SALL2: variants seen among roughly 807,000 people sequenced by gnomAD.
The protein encoded by SALL2 is spalt like transcription factor 2.
A neutral mutation model predicts 58.5 loss-of-function variants in SALL2; 32 were observed. That is an observed-to-expected ratio of 0.55 (90% CI 0.41 to 0.74). The LOEUF (loss-of-function observed/expected upper bound fraction) is 0.74, where lower values mean the gene tolerates loss of function less well. Ranked by LOEUF, SALL2 falls within the 30% of genes least tolerant of loss-of-function variation. The pLI is 0.00. For missense variants in SALL2, 1,201 were observed against 1,268.9 expected, an observed-to-expected ratio of 0.95 and a Z score of 0.81; for synonymous variants, 516 against 513.6, an observed-to-expected ratio of 1.00 and a Z score of -0.06.
At chr14:21,534,486 C>T (rs781441863) in intron 1 of SALL2, among the ~76,000 whole-genome samples, 10 of 152,058 alleles carry the variant, frequency 6.6e-5, no homozygotes, top group Non-Finnish European at 1.3e-4. Flanking sequence ...TTACCATGCC[C>T]CCAGGTGGAA....
At position 21,523,269 on chromosome 14, in the gene SALL2, G is replaced by A. The variant is rs758156077; in HGVS notation, c.2453C>T (p.Thr818Ile). 6.2e-7 allele frequency: 1 copy of A among 1,613,404 alleles called. No individual in the cohort carries two copies. Among genetic ancestry groups the A allele is most frequent in the Admixed American group, 1.7e-5 (1 of 60,022 alleles). ...ATTACTGTCCATCTCCTTCCCAGCT[G>A]TGGCTGCTGCCGCCACTGTCCCCAC... ...EEVGTVAAAA[T>I]AGKEMDSNEK... Residue 818 changes from threonine to isoleucine, a missense_variant, in exon 2 of 2, where the codon ACA becomes ATA. Physicochemically the swap from Thr to Ile is moderately conservative, Grantham distance 89. Coordinates refer to ENST00000537235, the MANE Select transcript of SALL2 (RefSeq NM_001364564.1). This position sits in a 1 kb window ranked among gnomAD's most constrained non-coding sequence, Gnocchi z 4.4.
intron 1 of SALL2, among the ~76,000 whole-genome samples, chr14:21,533,969 C>T (rs1892529758): frequency 6.6e-6 from 1 of 152,112 alleles, no homozygotes; most frequent in South Asian, 2.1e-4. Context: ...TAAATAAGAG[C>T]CCTTCCTCCC....
In SALL2 at chr14:21,522,784, G is replaced by C. The variant is rs891757703; in HGVS notation, c.2938C>G (p.Leu980Val). Residue 980 changes from leucine (L) to valine (V), a missense_variant, in exon 2 of 2, where the codon CTA (leucine) becomes GTA (valine). Coordinates refer to ENST00000537235, the MANE Select transcript of SALL2 (RefSeq NM_001364564.1). Reference protein sequence around the residue: ...HGPQNIAALSLVPGCSPSITS... With the variant: ...HGPQNIAALSVVPGCSPSITS... ...ATGGAAGGCGAACAGCCAGGGACTA[G>C]AGAAAGAGCAGCAATATTCTGAGGG... 1 of 1,594,664 alleles carries C rather than the reference G, an allele frequency of 6.3e-7. No individual in the cohort carries two copies. The highest frequency in any genetic ancestry group is 1.1e-5 in the South Asian group (1 of 87,186).
chr14:21,526,024 C>T (rs1222935785), intron 1 of SALL2, 37 bp downstream of exon 1: 2 of 1,358,672 alleles, frequency 1.5e-6, no homozygotes, highest in African/African-American at 1.4e-5. Context: ...TCCCCCTCCG[C>T]CCCCACCCCT....
chr14:21,530,892 G>A (rs997504225), upstream of SALL2, among the ~76,000 whole-genome samples: 11 of 152,260 alleles, frequency 7.2e-5, no homozygotes, highest in Admixed American at 3.9e-4. Context: ...GAGTACAGAT[G>A]TAAGCCACTG....
Position 21,526,123 on chromosome 14 carries a change from G to A in SALL2, c.5C>T (p.Ala2Val). M[A>V]HESERSSRLG... ...ACGAGAGCTCCTCTCGGATTCGTGC[G>A]CCATGGTTGTGGGGGAAGTGGAGGG... is the stretch of plus-strand genomic sequence containing the variant. Residue 2 changes from alanine (A) to valine (V), a missense_variant, in exon 1 of 2, where the codon GCG (alanine) becomes GTG (valine). Transcript: ENST00000537235. The A allele has an allele frequency of 1.3e-6, 2 of 1,541,144 alleles. No individual in the cohort carries two copies. The highest frequency in any genetic ancestry group is 1.7e-6 in the Non-Finnish European group (2 of 1,149,804).
Position 21,525,297 on chromosome 14 carries a change from C to T in SALL2, c.425G>A (p.Ser142Asn). ...AGGGGGLILA[S>N]PKLGATPLPP... Reference sequence around the variant, plus strand: ...TAATGGGGTTGCTCCCAGCTTGGGACTGGCCAAGATCAGGCCCCCGCCTCC... The same window carrying T: ...TAATGGGGTTGCTCCCAGCTTGGGATTGGCCAAGATCAGGCCCCCGCCTCC... The change falls in exon 2 of 2, where the codon AGT becomes AAT. Residue 142 changes from serine (S) to asparagine (N), a missense_variant. Coordinates refer to ENST00000537235, the MANE Select transcript of SALL2 (RefSeq NM_001364564.1). This position sits in a 1 kb window ranked among gnomAD's most constrained non-coding sequence, Gnocchi z 4.4. 6.2e-7 allele frequency: 1 copy of T among 1,612,572 alleles called. No homozygotes were observed. The highest frequency in any genetic ancestry group is 8.5e-7 in the Non-Finnish European group (1 of 1,179,178).
At position 21,523,038 on chromosome 14, in the gene SALL2, T is replaced by C. The variant is rs1425659186; in HGVS notation, c.2684A>G (p.Gln895Arg). Residue 895 changes from glutamine to arginine, a missense_variant, in exon 2 of 2, where the codon CAG (glutamine) becomes CGG (arginine). Physicochemically the swap from Gln to Arg is conservative, Grantham distance 43. Coordinates refer to ENST00000537235, the MANE Select transcript of SALL2 (RefSeq NM_001364564.1). This position sits in a 1 kb window ranked among gnomAD's most constrained non-coding sequence, Gnocchi z 4.4. Reference sequence around the variant, plus strand: ...TCCTGGCTCCTTTCTCATTGCCTCCTGCAGGCTCAGCTCCTCTACCAAGGT... The same window carrying C: ...TCCTGGCTCCTTTCTCATTGCCTCCCGCAGGCTCAGCTCCTCTACCAAGGT... ...SVTLVEELSL[Q>R]EAMRKEPGES... is the part of the protein sequence containing the mutation. 6.2e-7 allele frequency: 1 copy of C among 1,614,170 alleles called. No individual in the cohort carries two copies. The highest frequency in any genetic ancestry group is 8.5e-7 in the Non-Finnish European group (1 of 1,180,028).
Position 21,526,087 on chromosome 14 carries a change from G to T in SALL2, c.41C>A (p.Pro14His). 6.5e-7 allele frequency: 1 copy of T among 1,537,180 alleles called. No homozygotes were observed. The highest frequency in any genetic ancestry group is 1.2e-5 in the South Asian group (1 of 84,130). ...TCCGAGCTCTGCCGGCTCCCCGCAG[G>T]GCACCCCGAGACGAGAGCTCCTCTC... The part of the protein sequence containing the change: ...ESERSSRLGV[P>H]CGEPAELGGD... The change falls in exon 1 of 2, where the codon CCC (proline) becomes CAC (histidine). Residue 14 changes from proline (P) to histidine (H), a missense_variant. Pro to His is a moderately conservative substitution (Grantham distance 77, BLOSUM62 -2). Transcript: ENST00000537235.
chr14:21,522,540 C>T lies in SALL2; in HGVS notation c.*164G>A. On this transcript the variant is annotated 3_prime_UTR_variant, in exon 2 of 2. Transcript: ENST00000537235. ...CCTTAGGGGGCCATCCCCTTGTAAG[C>T]ACAGTAATTTCCAAGCTCAGGGACT... 7.2e-7 allele frequency: 1 copy of T among 1,391,400 alleles called. No homozygotes were observed. Among genetic ancestry groups the T allele is most frequent in the Non-Finnish European group, 9.3e-7 (1 of 1,076,808 alleles). The allele number at this position is 1,391,400 out of a possible 1,614,324, so 86.2% of individuals were successfully genotyped here. A position where few individuals can be genotyped will look rare whatever the true frequency, so the allele number is the denominator to read the frequency against.
rs374225652 is a variant in SALL2, at chr14:21,524,345, G to A, written c.1377C>T (p.Ala459=). ...CACCTGGAGTGGCTGCCTCCTCCTC[G>A]GCCTTCTCTGGTGGCACGGACATAC... The part of the protein sequence containing the change: ...PYGMSVPPEK[A]EEEAATPGGG... Residue 459 remains alanine (A), a synonymous_variant, in exon 2 of 2, where the codon GCC becomes GCT. Coordinates refer to ENST00000537235, the MANE Select transcript of SALL2 (RefSeq NM_001364564.1). 66 of 1,613,820 alleles carry A rather than the reference G, an allele frequency of 4.1e-5. No homozygotes were observed. The highest frequency in any genetic ancestry group is 1.1e-4 in the South Asian group (10 of 91,068).
Position 21,524,463 on chromosome 14 carries a change from C to T in SALL2, c.1259G>A (p.Arg420Gln), listed in dbSNP as rs1349018794. 1.2e-6 allele frequency: 2 copies of T among 1,614,122 alleles called. No individual in the cohort carries two copies. The highest frequency in any genetic ancestry group is 2.7e-5 in the African/African-American group (2 of 74,930). Residue 420 changes from arginine (R) to glutamine (Q), a missense_variant, in exon 2 of 2, where the codon CGG becomes CAG. This residue lies in a region of SALL2 where 59 missense variants were observed against 116.2 expected (regional missense o/e 0.51). Transcript: ENST00000537235. ...CACATGTGGGTACTTCTCACGATGCCGGTGGAAATGCACTTTGAGGTTGCC... is the reference window on the plus strand; with the variant it reads ...CACATGTGGGTACTTCTCACGATGCTGGTGGAAATGCACTTTGAGGTTGCC... ...TRGNLKVHFH[R>Q]HREKYPHVQM...
At chr14:21,535,006 C>T (rs563609991) in intron 1 of SALL2, among the ~76,000 whole-genome samples, 35 of 152,198 alleles carry the variant, frequency 2.3e-4, no homozygotes, top group African/African-American at 7.5e-4. Context: ...CAATTTTAGT[C>T]GCCACCAATA....
rs1448912124 is a variant in SALL2 at position 21,525,844 on chromosome 14, G to C, written c.68-190C>G. 6.7e-6 allele frequency among the ~76,000 whole-genome samples: 1 copy of C among 150,232 alleles called. No homozygotes were observed. The highest frequency in any genetic ancestry group is 2.0e-4 in the East Asian group (1 of 5,018). ...GGAGACAACCCGGCATGGGGCAGGG[G>C]GGTGGGGAGGGAGGAGGGGAGGGGG... On this transcript the variant is annotated intron_variant, in intron 1 of 1. Transcript: ENST00000537235. This position sits in a 1 kb window ranked among gnomAD's most constrained non-coding sequence, Gnocchi z 4.4.
upstream of SALL2, among the ~76,000 whole-genome samples, chr14:21,528,514 A>C (rs1892382587): frequency 6.6e-6 from 1 of 152,200 alleles, no homozygotes; most frequent in Non-Finnish European, 1.5e-5. Context: ...TCAGATAATA[A>C]GGCTCTTAGC....
rs200101431 is a variant in SALL2, at chr14:21,525,191, G to T, written c.531C>A (p.Ile177=). ...PPGVGSGHLN[I]PLILEELRVL... ...CCCGTAGCTCTTCCAAGATCAGGGG[G>T]ATATTCAAGTGGCCACTGCCTACCC... Residue 177 remains isoleucine, a synonymous_variant, in exon 2 of 2, where the codon ATC becomes ATA. Transcript: ENST00000537235. The surrounding 1 kb of genome is among the most constrained non-coding windows in gnomAD (Gnocchi z 4.4). 5 of 1,613,556 alleles carry T rather than the reference G, an allele frequency of 3.1e-6. No individual in the cohort carries two copies. In the Admixed American group the frequency reaches 6.7e-5, roughly 22 times the overall value.
rs766561918 is a variant in SALL2 at position 21,524,110 on chromosome 14, C to T, written c.1612G>A (p.Ala538Thr). 4.3e-6 allele frequency: 7 copies of T among 1,613,498 alleles called. No homozygotes were observed. In the South Asian group the frequency reaches 7.7e-5, roughly 18 times the overall value. The change falls in exon 2 of 2, where the codon GCA becomes ACA. Residue 538 changes from alanine to threonine, a missense_variant. Ala to Thr is a moderately conservative substitution (Grantham distance 58). This residue lies in a region of SALL2 where 675 missense variants were observed against 683.8 expected (regional missense o/e 0.99). Coordinates refer to ENST00000537235, the MANE Select transcript of SALL2 (RefSeq NM_001364564.1). ...ATGCGAGTTGCCGTGCTACTTTCTGCCACTCCACTGATGGCTGAGCCCTCA... is the reference window on the plus strand; with the variant it reads ...ATGCGAGTTGCCGTGCTACTTTCTGTCACTCCACTGATGGCTGAGCCCTCA... ...GSEGSAISGV[A>T]ESSTATRMQL...
chr14:21,533,238 G>A (rs1055511035), intron 1 of SALL2, among the ~76,000 whole-genome samples: 1 of 152,124 alleles, frequency 6.6e-6, no homozygotes, highest in East Asian at 1.9e-4. Flanking sequence ...CCAGGACTGA[G>A]ATACTCTCTA....
chr14:21,525,672 A>G lies in SALL2; in HGVS notation c.68-18T>C, dbSNP rs766817892. On this transcript the variant is annotated intron_variant, in intron 1 of 1. Coordinates refer to ENST00000537235, the MANE Select transcript of SALL2 (RefSeq NM_001364564.1). This position sits in a 1 kb window ranked among gnomAD's most constrained non-coding sequence, Gnocchi z 4.4. The stretch of plus-strand genomic sequence containing the variant: ...AGCATCACCTGGGGAGAAGACAAGG[A>G]GAGAGAGCGTGGGTGGCGCAGTTGG... 6.5e-7 allele frequency: 1 copy of G among 1,549,710 alleles called. No individual in the cohort carries two copies.
Sources: allele counts gnomAD v4.1 joint callset (sites outside exome capture counted in the v4.1 genomes callset), GRCh38; gene constraint gnomAD v4.1.1; regional missense constraint gnomAD v4.1.1; non-coding constraint Gnocchi (gnomAD v3.1); transcripts MANE v1.5; gene names NCBI Gene and HGNC (gene_info 2026-07-23, HGNC 2026-07-21).